Variants in SLCO1B3 observed in about 807,000 individuals in gnomAD.
SLCO1B3 encodes solute carrier organic anion transporter family member 1B3, also known as liver-specific organic anion transporter 2.
Under a neutral mutation model 71.8 loss-of-function variants are expected in SLCO1B3, and 72 were observed. The observed-to-expected ratio is 1.00, with a 90% confidence interval of 0.83 to 1.22. The LOEUF (loss-of-function observed/expected upper bound fraction) is 1.22, where lower values mean the gene tolerates loss of function less well. Ranked by LOEUF, SLCO1B3 falls within the 50% of genes most tolerant of loss-of-function variation. SLCO1B3 has a pLI of 0.00. For synonymous variants in SLCO1B3, 298 were observed against 278.4 expected (o/e 1.07, Z -0.70); for missense variants, 911 against 819.7 (o/e 1.11, Z -1.36).
In SLCO1B3 at chr12:20,822,401, G is replaced by A. The variant is rs375753706; in HGVS notation, c.84+6579G>A. On this transcript the variant is annotated intron_variant, in intron 3 of 15. Transcript: ENST00000381545. ...CAGGGGCGGGGGTCACAAGGTGCTC[G>A]GTGGGGGAGCTTCTGAGCCAGGAGA... Among the ~76,000 whole-genome samples, 171 of 152,234 alleles carry A rather than the reference G, an allele frequency of 1.1e-3. 4 individuals are homozygous for A. In the South Asian group the frequency reaches 0.033, roughly 29 times the overall value.
chr12:20,877,470 G>C (rs1190750978), intron 9 of SLCO1B3, among the ~76,000 whole-genome samples: 2 of 151,870 alleles, frequency 1.3e-5, no homozygotes, highest in African/African-American at 4.8e-5. Context: ...TGAGCAAATT[G>C]CTCTCAGGTA....
intron 13 of SLCO1B3, among the ~76,000 whole-genome samples, chr12:20,884,045 C>G (rs1022244515): frequency 1.2e-4 from 19 of 152,196 alleles, no homozygotes; most frequent in African/African-American, 4.6e-4. Flanking sequence ...AATTCACCCA[C>G]AGCATGGCTT....
At chr12:20,892,975 T>G (rs1184969446) in intron 13 of SLCO1B3, among the ~76,000 whole-genome samples, 3 of 152,014 alleles carry the variant, frequency 2.0e-5, no homozygotes, top group Non-Finnish European at 2.9e-5. Context: ...GGACAAAAAT[T>G]TACAGAATAT....
chr12:20,858,529 C>G lies in SLCO1B3; in HGVS notation c.317C>G (p.Thr106Ser), dbSNP rs150007972. The G allele has an allele frequency of 6.2e-7, 1 of 1,604,430 alleles. No homozygotes were observed. The highest frequency in any genetic ancestry group is 1.3e-5 in the African/African-American group (1 of 74,896). ...GGAATTGGTTGTCTCCTTATGGGAA[C>G]TGGAAGTATTTTGACATCTTTACCA... Reference protein sequence around the residue: ...LIGIGCLLMGTGSILTSLPHF... With the variant: ...LIGIGCLLMGSGSILTSLPHF... The change falls in exon 5 of 16, where the codon ACT becomes AGT. Residue 106 changes from threonine to serine, a missense_variant. Transcript: ENST00000381545.
intron 3 of SLCO1B3, among the ~76,000 whole-genome samples, chr12:20,847,406 A>G (rs1425695610): frequency 6.6e-6 from 1 of 152,120 alleles, no homozygotes; most frequent in African/African-American, 2.4e-5. Context: ...ATAATGTGAG[A>G]AAGCCAACTA....
chr12:20,901,069 G>C (rs1195213081), intron 14 of SLCO1B3, among the ~76,000 whole-genome samples: 4 of 151,958 alleles, frequency 2.6e-5, no homozygotes, highest in Admixed American at 2.6e-4. Context: ...AAGTTAATAG[G>C]TATTGTAGGA....
At position 20,813,612 on chromosome 12, in the gene SLCO1B3, G is replaced by A. The variant is rs936635045; in HGVS notation, c.-92G>A. 2 of 152,166 alleles carry A rather than the reference G, an allele frequency of 1.3e-5. No individual in the cohort carries two copies. The highest frequency in any genetic ancestry group is 2.9e-5 in the Non-Finnish European group (2 of 68,034). 9.4% of individuals were successfully genotyped at this position (152,166 alleles called of 1,614,324 possible). ...TCCCGTTGTTCCCACCTCCTAGAGG[G>A]CCTGACAGAAGAGGTACATATGCTA... is the stretch of plus-strand genomic sequence containing the variant. On this transcript the variant is annotated 5_prime_UTR_variant, in exon 2 of 16. Transcript: ENST00000381545.
chr12:20,909,165 C>CTTTTTTT (rs1006708034), intron 15 of SLCO1B3, among the ~76,000 whole-genome samples: 2 of 123,862 alleles, frequency 1.6e-5, no homozygotes, highest in African/African-American at 3.0e-5. Context: ...GCATCTTTTT[C>CTTTTTTT]TTTTTTTTTT....
At chr12:20,867,458 G>A (rs1865395267) in intron 8 of SLCO1B3, among the ~76,000 whole-genome samples, 1 of 151,094 alleles carries the variant, frequency 6.6e-6, no homozygotes, top group Non-Finnish European at 1.5e-5. Context: ...GTGGAGTGAA[G>A]AATTTCAAGA....
chr12:20,849,287 A>G (rs958836070), intron 3 of SLCO1B3, among the ~76,000 whole-genome samples: 5 of 152,032 alleles, frequency 3.3e-5, no homozygotes, highest in Non-Finnish European at 5.9e-5. Context: ...AAGGAATGCA[A>G]TATATTAAGC....
At chr12:20,906,213 TAAACTC>T (rs1050438463) in intron 15 of SLCO1B3, among the ~76,000 whole-genome samples, 4 of 152,104 alleles carry the variant, frequency 2.6e-5, no homozygotes, top group African/African-American at 4.8e-5. Context: ...AAATGAAACT[TAAACTC>T]ATATAGCTAA....
At chr12:20,875,122 C>T in intron 8 of SLCO1B3, 113 bp from the exon 9 acceptor site, 1 of 1,270,508 alleles carries the variant, frequency 7.9e-7, no homozygotes, top group Non-Finnish European at 1.1e-6. Flanking sequence ...TGAAAGTAAA[C>T]ATTTGGTTTA....
chr12:20,841,602 G>T (rs35221426), intron 3 of SLCO1B3, among the ~76,000 whole-genome samples: 15,913 of 152,098 alleles, frequency 0.1, 1,113 homozygotes, highest in Middle Eastern at 0.23. Flanking sequence ...GGTTCAGGGG[G>T]TACATATGCA....
chr12:20,883,666 TA>T, intron 13 of SLCO1B3, 64 bp downstream of exon 13: 1 of 1,018,788 alleles, frequency 9.8e-7, no homozygotes, highest in Non-Finnish European at 1.4e-6. Flanking sequence ...ATGATAGGCA[TA>T]TTTTTCTGTA....
At chr12:20,812,206 C>T (rs150715548) in intron 1 of SLCO1B3, among the ~76,000 whole-genome samples, 25 of 152,180 alleles carry the variant, frequency 1.6e-4, no homozygotes, top group Non-Finnish European at 3.4e-4. Context: ...TGCTCCCGGC[C>T]TACTTGATAC....
intron 3 of SLCO1B3, among the ~76,000 whole-genome samples, chr12:20,822,113 C>T (rs1025226498): frequency 3.6e-4 from 55 of 152,132 alleles, no homozygotes; most frequent in African/African-American, 1.1e-3. Flanking sequence ...ATCTTTCTCA[C>T]GGAGCAAAGA....
chr12:20,866,673 G>A (rs1484035665), intron 8 of SLCO1B3, among the ~76,000 whole-genome samples: 2 of 152,038 alleles, frequency 1.3e-5, no homozygotes, highest in Non-Finnish European at 2.9e-5. Context: ...GAAAGTCATT[G>A]AGGAGAAAGG....
At position 20,862,493 on chromosome 12, in the gene SLCO1B3, T is replaced by C. The variant is rs768715673; in HGVS notation, c.563T>C (p.Ile188Thr). 180 of 1,611,772 alleles carry C rather than the reference T, an allele frequency of 1.1e-4. No individual in the cohort carries two copies. The highest frequency in any genetic ancestry group is 1.4e-4 in the Non-Finnish European group (169 of 1,178,318). The part of the protein sequence containing the change: ...NMLRGIGETP[I>T]VPLGISYIDD... Reference sequence around the variant, plus strand: ...CTTCGTGGCATAGGGGAAACCCCCATAGTACCATTGGGGATTTCATACATT... The same window carrying C: ...CTTCGTGGCATAGGGGAAACCCCCACAGTACCATTGGGGATTTCATACATT... Residue 188 changes from isoleucine to threonine, a missense_variant, in exon 7 of 16, where the codon ATA (isoleucine) becomes ACA (threonine). Transcript: ENST00000381545.
intron 10 of SLCO1B3, 140 bp downstream of exon 10, chr12:20,878,076 T>C (rs1329063424): frequency 2.3e-5 from 13 of 555,950 alleles, no homozygotes; most frequent in Non-Finnish European, 3.9e-5. Flanking sequence ...ACAAAATTTC[T>C]CCATCTTGTA....
Sources: allele counts gnomAD v4.1 joint callset (sites outside exome capture counted in the v4.1 genomes callset), GRCh38; gene constraint gnomAD v4.1.1; transcripts MANE v1.5; gene names NCBI Gene and HGNC (gene_info 2026-07-23, HGNC 2026-07-21).